PDGFRL: variants seen among roughly 807,000 people sequenced by gnomAD.
PDGFRL encodes platelet derived growth factor receptor like, also known as platelet-derived growth factor receptor-like protein.
PDGFRL carries 46 observed loss-of-function variants against 37.2 expected under a neutral mutation model. The ratio of observed to expected loss-of-function variants is 1.24; its 90% CI spans 0.98 to 1.58. The LOEUF is 1.58. Ranked by LOEUF, PDGFRL falls within the 40% of genes most tolerant of loss-of-function variation. The pLI, the probability that PDGFRL is intolerant of heterozygous loss-of-function variation, is 0.00. For missense variants in PDGFRL, 692 were observed against 467.6 expected, an observed-to-expected ratio of 1.48 and a Z score of -4.43; for synonymous variants, 251 against 184.3, an observed-to-expected ratio of 1.36 and a Z score of -2.93.
At position 17,589,454 on chromosome 8, in the gene PDGFRL, CT is replaced by C. The variant is rs1563506315; in HGVS notation, c.56-12del. The C allele has an allele frequency of 3.1e-6, 5 of 1,601,482 alleles. No individual in the cohort carries two copies. The highest frequency in any genetic ancestry group is 4.3e-6 in the Non-Finnish European group (5 of 1,172,024). On this transcript the variant is annotated splice_polypyrimidine_tract_variant and intron_variant, in intron 1 of 5. Coordinates refer to ENST00000251630, the MANE Select transcript of PDGFRL (RefSeq NM_001372073.1). Reference sequence around the variant, plus strand: ...CATTACTACAGCGCATTTCTCTCTCCTTACGTTTTGCAGTTACTGGCCAACA... The same window carrying C: ...CATTACTACAGCGCATTTCTCTCTCCTACGTTTTGCAGTTACTGGCCAACA...
intron 2 of PDGFRL, among the ~76,000 whole-genome samples, chr8:17,590,839 T>A (rs961865788): frequency 6.6e-6 from 1 of 151,976 alleles, no homozygotes; most frequent in African/African-American, 2.4e-5. Flanking sequence ...TGACCAGATA[T>A]CAACTTCAAC....
rs1345892564 is a variant in PDGFRL, at chr8:17,619,453, AAAGAT to A, written c.354-1594_354-1590del. On this transcript the variant is annotated intron_variant, in intron 2 of 5. Transcript: ENST00000251630. ...GCCATGCAACAAGTTACAAAATACA[AAAGAT>A]AAGGAAGAAAAATAAAAGAAGAAAT... is the stretch of plus-strand genomic sequence containing the variant. 3.9e-5 allele frequency among the ~76,000 whole-genome samples: 6 copies of A among 152,366 alleles called. No individual in the cohort carries two copies. In the South Asian group the frequency reaches 6.2e-4, roughly 16 times the overall value.
At chr8:17,628,080 G>A (rs1428044152) in intron 3 of PDGFRL, among the ~76,000 whole-genome samples, 4 of 137,006 alleles carry the variant, frequency 2.9e-5, no homozygotes, top group South Asian at 2.4e-4. Flanking sequence ...TGCAAGCTCC[G>A]CCTCCCGGGT....
intron 3 of PDGFRL, among the ~76,000 whole-genome samples, chr8:17,625,140 C>CT (rs1554554095): frequency 8.7e-3 from 2 of 230 alleles, no homozygotes; most frequent in Non-Finnish European, 0.043. Context: ...TCCCTCCCCC[C>CT]CCCGCATTTT....
intron 3 of PDGFRL, among the ~76,000 whole-genome samples, chr8:17,624,603 C>G (rs1198525015): frequency 6.6e-6 from 1 of 152,088 alleles, no homozygotes; most frequent in Non-Finnish European, 1.5e-5. Context: ...CGTAGGAAAA[C>G]CACATTAATA....
Position 17,589,578 on chromosome 8 carries a change from G to C in PDGFRL, c.166G>C (p.Asp56His). ...CAAAATTCCTAAAATGAAGGACAGG[G>C]ACTCAGCCAATTCAGCACCAAAGAC... is the stretch of plus-strand genomic sequence containing the variant. ...KPKIPKMKDR[D>H]SANSAPKTQS... The change falls in exon 2 of 6, where the codon GAC becomes CAC. Residue 56 changes from aspartate to histidine, a missense_variant. Coordinates refer to ENST00000251630, the MANE Select transcript of PDGFRL (RefSeq NM_001372073.1). 1.2e-6 allele frequency: 2 copies of C among 1,613,884 alleles called. No homozygotes were observed. Among genetic ancestry groups the C allele is most frequent in the South Asian group, 1.1e-5 (1 of 91,070 alleles).
chr8:17,606,417 A>T (rs986229321), intron 2 of PDGFRL, among the ~76,000 whole-genome samples: 2 of 152,198 alleles, frequency 1.3e-5, no homozygotes, highest in African/African-American at 4.8e-5. Flanking sequence ...GCATGGGTCC[A>T]ATTGGGGTCT....
At chr8:17,630,926 C>T (rs1283006842) in intron 4 of PDGFRL, among the ~76,000 whole-genome samples, 2 of 152,098 alleles carry the variant, frequency 1.3e-5, no homozygotes, top group Non-Finnish European at 2.9e-5. Context: ...CTCTGAGCTG[C>T]AGCATGGCTG....
chr8:17,590,149 C>G (rs190880850), intron 2 of PDGFRL, among the ~76,000 whole-genome samples: 2 of 144,982 alleles, frequency 1.4e-5, no homozygotes, highest in Non-Finnish European at 1.5e-5. Context: ...GAGAATGGTG[C>G]GAACCTGGGA....
chr8:17,582,397 C>A (rs1239901402), intron 1 of PDGFRL, among the ~76,000 whole-genome samples: 1 of 152,010 alleles, frequency 6.6e-6, no homozygotes, highest in African/African-American at 2.4e-5. Flanking sequence ...GCCTGGGCAA[C>A]ATGGTGAAAC....
chr8:17,587,148 C>T (rs1803835491), intron 1 of PDGFRL, among the ~76,000 whole-genome samples: 1 of 152,144 alleles, frequency 6.6e-6, no homozygotes, highest in South Asian at 2.1e-4. Flanking sequence ...GCATCATTGC[C>T]ATCAAACCAC....
chr8:17,582,358 C>T (rs996267855), intron 1 of PDGFRL, among the ~76,000 whole-genome samples: 5 of 151,924 alleles, frequency 3.3e-5, no homozygotes, highest in African/African-American at 7.3e-5. Context: ...GGGAGGCAGG[C>T]GGATCATGAG....
intron 4 of PDGFRL, among the ~76,000 whole-genome samples, chr8:17,629,269 A>G (rs28472666): frequency 0.13 from 19,776 of 151,514 alleles, 1,938 homozygotes; most frequent in African/African-American, 0.28. Flanking sequence ...CTGCCCCACC[A>G]CTTCTAGGAT....
intron 1 of PDGFRL, among the ~76,000 whole-genome samples, chr8:17,587,534 TTTTC>T (rs540541949): frequency 5.4e-4 from 82 of 152,184 alleles, no homozygotes; most frequent in Non-Finnish European, 9.9e-4. Context: ...AATGGTGGGC[TTTTC>T]TTTCTTTCTT....
intron 2 of PDGFRL, among the ~76,000 whole-genome samples, chr8:17,604,866 C>T (rs1183475027): frequency 4.6e-5 from 7 of 152,156 alleles, no homozygotes; most frequent in African/African-American, 1.7e-4. Flanking sequence ...GTAATTCCAG[C>T]CCTTTGGGAG....
chr8:17,608,910 G>C (rs1376541356), intron 2 of PDGFRL, among the ~76,000 whole-genome samples: 1 of 152,074 alleles, frequency 6.6e-6, no homozygotes, highest in Non-Finnish European at 1.5e-5. Context: ...ATAAGATAGA[G>C]ACTTGTACAA....
At chr8:17,637,632 G>A (rs532347409) in intron 5 of PDGFRL, among the ~76,000 whole-genome samples, 1 of 152,118 alleles carries the variant, frequency 6.6e-6, no homozygotes, top group Non-Finnish European at 1.5e-5. Flanking sequence ...GTGAAATAAT[G>A]TTGATAGGAT....
chr8:17,642,734 A>AT lies in PDGFRL; in HGVS notation c.1063dup (p.Tyr355LeufsTer19). 6.2e-7 allele frequency: 1 copy of AT among 1,608,236 alleles called. No homozygotes were observed. The highest frequency in any genetic ancestry group is 8.5e-7 in the Non-Finnish European group (1 of 1,174,532). ...GACTTTGAGACGATTGATGCAGGAT[A>AT]TTACATTTGCACTGCTCAGAATCTT... On this transcript the variant is annotated frameshift_variant, in exon 6 of 6. Coordinates refer to ENST00000251630, the MANE Select transcript of PDGFRL (RefSeq NM_001372073.1). LOFTEE classifies it high-confidence loss of function.
chr8:17,621,403 C>CCG (rs1804631578), intron 3 of PDGFRL, among the ~76,000 whole-genome samples: 1 of 141,568 alleles, frequency 7.1e-6, no homozygotes, highest in African/African-American at 2.9e-5. Context: ...AATATTATTC[C>CCG]TGTTTTTTTT....
Sources: gnomAD v4.1 joint callset for allele counts (sites outside exome capture counted in the v4.1 genomes callset) on GRCh38, gnomAD v4.1.1 for gene constraint, MANE v1.5 for transcripts, NCBI Gene and HGNC (gene_info 2026-07-23, HGNC 2026-07-21) for gene names.